The following CCDC192 variants were observed in gnomAD, a reference collection of about 807,000 sequenced individuals.
CCDC192 encodes the protein coiled-coil domain-containing protein 192.
chr5:127,712,247 T>C (rs1321769037), intron 2 of CCDC192, among the ~76,000 whole-genome samples: 1 of 152,198 alleles, frequency 6.6e-6, no homozygotes, highest in East Asian at 1.9e-4. Flanking sequence ...CTGCTGCAGA[T>C]TGGATATGGT....
chr5:127,710,238 G>A (rs76873215), intron 2 of CCDC192, among the ~76,000 whole-genome samples: 2,430 of 152,244 alleles, frequency 0.016, 32 homozygotes, highest in African/African-American at 0.02. Context: ...CTTCCACAAC[G>A]CAGTCTCTTT....
At chr5:127,738,036 T>A (rs1580562758) in intron 2 of CCDC192, among the ~76,000 whole-genome samples, 1 of 152,290 alleles carries the variant, frequency 6.6e-6, no homozygotes, top group African/African-American at 2.4e-5. Context: ...CGATGGTCCT[T>A]ACATTTTGGC....
At chr5:127,887,413 G>A (rs569315640) in intron 6 of CCDC192, among the ~76,000 whole-genome samples, 1 of 151,008 alleles carries the variant, frequency 6.6e-6, no homozygotes, top group East Asian at 1.9e-4. Flanking sequence ...TCTATAATAG[G>A]ATTCTGACTT....
At chr5:127,845,025 A>G (rs1179424071) in intron 5 of CCDC192, among the ~76,000 whole-genome samples, 1 of 152,238 alleles carries the variant, frequency 6.6e-6, no homozygotes, top group African/African-American at 2.4e-5. Flanking sequence ...TCTGTTCTTA[A>G]GAAGGGTCAT....
chr5:127,930,813 A>G (rs559348346), intron 6 of CCDC192, among the ~76,000 whole-genome samples: 2 of 152,330 alleles, frequency 1.3e-5, no homozygotes, highest in Non-Finnish European at 2.9e-5. Context: ...GATGGGATAC[A>G]CACTGCACTC....
chr5:127,704,970 A>G (rs1025041640), intron 1 of CCDC192, among the ~76,000 whole-genome samples: 3 of 152,166 alleles, frequency 2.0e-5, no homozygotes, highest in Non-Finnish European at 1.5e-5. Flanking sequence ...GCGGAAAGAC[A>G]TTTCATTTAA....
At chr5:127,867,381 T>C (rs558755155) in intron 5 of CCDC192, among the ~76,000 whole-genome samples, 26 of 152,330 alleles carry the variant, frequency 1.7e-4, no homozygotes, top group South Asian at 1.5e-3. Context: ...TTAGAAGAGC[T>C]TAGCAGCACT....
intron 5 of CCDC192, among the ~76,000 whole-genome samples, chr5:127,822,432 A>G (rs1749334954): frequency 6.6e-6 from 1 of 152,212 alleles, no homozygotes; most frequent in African/African-American, 2.4e-5. Flanking sequence ...CTAAATCTCT[A>G]TCCTCAAAGA....
At chr5:127,719,892 C>A (rs907789004) in intron 2 of CCDC192, among the ~76,000 whole-genome samples, 1 of 151,498 alleles carries the variant, frequency 6.6e-6, no homozygotes, top group Non-Finnish European at 1.5e-5. Context: ...CACTTACTAT[C>A]ATGAGAACAG....
chr5:127,871,223 A>G (rs1330063010), intron 5 of CCDC192, among the ~76,000 whole-genome samples: 5 of 152,256 alleles, frequency 3.3e-5, no homozygotes, highest in African/African-American at 1.2e-4. Flanking sequence ...CTGTTTTCAG[A>G]ACATTAAGTT....
chr5:127,812,313 G>A (rs1012695939), intron 5 of CCDC192, among the ~76,000 whole-genome samples: 3 of 152,164 alleles, frequency 2.0e-5, no homozygotes, highest in African/African-American at 7.2e-5. Flanking sequence ...TGAATGTTCA[G>A]CATCGTGATT....
At chr5:127,751,465 G>T (rs1449009169) in intron 2 of CCDC192, among the ~76,000 whole-genome samples, 1 of 152,026 alleles carries the variant, frequency 6.6e-6, no homozygotes, top group Non-Finnish European at 1.5e-5. Flanking sequence ...TGGCTTGTAG[G>T]GTTTCTGCCG....
intron 3 of CCDC192, among the ~76,000 whole-genome samples, chr5:127,787,292 C>T (rs552208661): frequency 1.3e-5 from 2 of 152,316 alleles, no homozygotes; most frequent in African/African-American, 2.4e-5. Flanking sequence ...CCACCAATGT[C>T]TGGCTGCATC....
chr5:127,766,334 C>G (rs1401903658), intron 3 of CCDC192, among the ~76,000 whole-genome samples: 1 of 151,002 alleles, frequency 6.6e-6, no homozygotes, highest in African/African-American at 2.4e-5. Context: ...AATATGCAGG[C>G]AAATATAGGA....
chr5:127,757,492 C>T (rs996321220), intron 3 of CCDC192, among the ~76,000 whole-genome samples: 1 of 151,990 alleles, frequency 6.6e-6, no homozygotes, highest in Non-Finnish European at 1.5e-5. Context: ...TTTGCTTTCT[C>T]CAATGTTTAG....
intron 2 of CCDC192, among the ~76,000 whole-genome samples, chr5:127,712,611 A>G (rs1012323631): frequency 3.3e-5 from 5 of 152,150 alleles, no homozygotes; most frequent in African/African-American, 7.2e-5. Context: ...CAAGCCTCAG[A>G]TATTCTTTTA....
In CCDC192 at chr5:127,797,238, T is replaced by C. The variant is rs1251236536; in HGVS notation, c.354+4T>C. ...AATGGTTCTTGTGAAAGACCAGGTA[T>C]GTTGTAGAACAAAGTCATCTTTATT... On this transcript the variant is annotated splice_donor_region_variant and intron_variant, in intron 4 of 6. Coordinates refer to ENST00000514853, the MANE Select transcript of CCDC192 (RefSeq NM_001317938.2). 3 of 397,782 alleles carry C rather than the reference T, an allele frequency of 7.5e-6. No individual in the cohort carries two copies. Among genetic ancestry groups the C allele is most frequent in the Non-Finnish European group, 1.3e-5 (3 of 225,302 alleles). The allele number at this position is 397,782 out of a possible 1,614,324, so 24.6% of individuals were successfully genotyped here.
chr5:127,801,109 ACACT>A (rs1757486717), intron 5 of CCDC192, among the ~76,000 whole-genome samples: 1 of 152,134 alleles, frequency 6.6e-6, no homozygotes, highest in South Asian at 2.1e-4. Flanking sequence ...CAAAAGTGTA[ACACT>A]CACAGGGTGA....
intron 6 of CCDC192, among the ~76,000 whole-genome samples, chr5:127,881,837 A>G (rs1752366448): frequency 6.6e-6 from 1 of 152,176 alleles, no homozygotes; most frequent in South Asian, 2.1e-4. Context: ...TTACAGCTCT[A>G]TTTAGCAGAA....
Sources: gnomAD v4.1 joint callset for allele counts (sites outside exome capture counted in the v4.1 genomes callset) on GRCh38, gnomAD v4.1.1 for gene constraint, MANE v1.5 for transcripts, NCBI Gene and HGNC (gene_info 2026-07-23, HGNC 2026-07-21) for gene names.